ANGPT2: variants seen among roughly 807,000 people sequenced by gnomAD.
ANGPT2 encodes angiopoietin 2.
Under a neutral mutation model 62.9 loss-of-function variants are expected in ANGPT2, and 28 were observed. That is an observed-to-expected ratio of 0.44 (90% confidence interval 0.33 to 0.61). The LOEUF (loss-of-function observed/expected upper bound fraction) is 0.61, where lower values mean the gene tolerates loss of function less well. Among genes scored for constraint, ANGPT2 ranks in the 20% least tolerant of loss-of-function variants. The pLI, the probability that ANGPT2 is intolerant of heterozygous loss-of-function variation, is 0.03. For missense variants in ANGPT2, 727 were observed against 594.9 expected, an observed-to-expected ratio of 1.22 and a Z score of -2.31; for synonymous variants, 284 against 207.8, an observed-to-expected ratio of 1.37 and a Z score of -3.15.
Position 6,502,801 on chromosome 8 carries a change from TGGTTGTG to T in ANGPT2, c.*293_*299del. 1 of 384,068 alleles carries T rather than the reference TGGTTGTG, an allele frequency of 2.6e-6. No homozygotes were observed. Among genetic ancestry groups the T allele is most frequent in the Non-Finnish European group, 4.8e-6 (1 of 210,174 alleles). The allele number at this position is 384,068 out of a possible 1,614,324, so 23.8% of individuals were successfully genotyped here. Reference sequence around the variant, plus strand: ...CTGATAAACTTGCACATAACATTCTTGGTTGTGACAGCAGCGTCTGTAAACTGTCAGT... The same window carrying T: ...CTGATAAACTTGCACATAACATTCTTACAGCAGCGTCTGTAAACTGTCAGT... On this transcript the variant is annotated 3_prime_UTR_variant, in exon 9 of 9. Transcript: ENST00000629816.
chr8:6,536,772 C>T (rs1311065470), intron 1 of ANGPT2, among the ~76,000 whole-genome samples: 1 of 152,168 alleles, frequency 6.6e-6, no homozygotes. Context: ...CCATCTGGCT[C>T]ATCCACTTGG....
chr8:6,561,116 A>T (rs1267216422), intron 1 of ANGPT2, among the ~76,000 whole-genome samples: 1 of 152,242 alleles, frequency 6.6e-6, no homozygotes, highest in Admixed American at 6.5e-5. Context: ...ACATATTTCA[A>T]CCTGTGTTGC....
intron 5 of ANGPT2, among the ~76,000 whole-genome samples, chr8:6,519,342 C>G (rs911127314): frequency 2.0e-5 from 3 of 152,192 alleles, no homozygotes; most frequent in African/African-American, 7.2e-5. Flanking sequence ...GTGGGTAAAA[C>G]TGCCACCATC....
chr8:6,549,338 G>T (rs529497706), intron 1 of ANGPT2, among the ~76,000 whole-genome samples: 1 of 152,158 alleles, frequency 6.6e-6, no homozygotes, highest in Non-Finnish European at 1.5e-5. Context: ...TAATAAAAGA[G>T]ACCAAAAAGG....
Position 6,500,167 on chromosome 8 carries a change from A to G in ANGPT2, c.*2934T>C. 1.9e-6 allele frequency: 1 copy of G among 517,606 alleles called. No homozygotes were observed. Among genetic ancestry groups the G allele is most frequent in the Non-Finnish European group, 3.5e-6 (1 of 285,912 alleles). The allele number at this position is 517,606 out of a possible 1,614,324, so 32.1% of individuals were successfully genotyped here. ...CAGTCCAAAGAAAATTTGACGATTA[A>G]CATCCTCAGAACTGAGAAAAACAAA... On this transcript the variant is annotated 3_prime_UTR_variant, in exon 9 of 9. Transcript: ENST00000629816.
intron 1 of ANGPT2, among the ~76,000 whole-genome samples, chr8:6,546,894 A>G (rs1249254052): frequency 9.9e-5 from 15 of 152,104 alleles, no homozygotes; most frequent in Admixed American, 9.2e-4. Context: ...ATTAAGATGT[A>G]CCCTTCCGTG....
chr8:6,531,723 A>G (rs144734221), intron 2 of ANGPT2, among the ~76,000 whole-genome samples: 177 of 152,336 alleles, frequency 1.2e-3, no homozygotes, highest in African/African-American at 4.1e-3. Flanking sequence ...AGAAAAGGTG[A>G]GTGCCTCATT....
intron 1 of ANGPT2, among the ~76,000 whole-genome samples, chr8:6,552,503 G>C (rs892389590): frequency 9.2e-5 from 14 of 152,168 alleles, no homozygotes; most frequent in African/African-American, 3.4e-4. Flanking sequence ...ATAGAAGTTA[G>C]AACATTTAAC....
At chr8:6,560,782 C>G (rs1029223601) in intron 1 of ANGPT2, among the ~76,000 whole-genome samples, 5 of 152,248 alleles carry the variant, frequency 3.3e-5, no homozygotes, top group Middle Eastern at 6.8e-3. Context: ...CTCAAAGACC[C>G]AAGAGAAGGG....
chr8:6,538,462 G>A (rs538854933), intron 1 of ANGPT2, among the ~76,000 whole-genome samples: 2 of 152,304 alleles, frequency 1.3e-5, no homozygotes, highest in South Asian at 4.2e-4. Context: ...TTTGCCTGAG[G>A]ATAAGGTCCA....
At chr8:6,515,888 A>C (rs1294212197) in intron 5 of ANGPT2, among the ~76,000 whole-genome samples, 1 of 152,210 alleles carries the variant, frequency 6.6e-6, no homozygotes, top group Non-Finnish European at 1.5e-5. Flanking sequence ...AAAGAGAACC[A>C]AGAGAGTGCT....
chr8:6,553,588 A>G (rs190742128), intron 1 of ANGPT2, among the ~76,000 whole-genome samples: 2 of 152,286 alleles, frequency 1.3e-5, no homozygotes, highest in African/African-American at 4.8e-5. Flanking sequence ...GAACATGAAC[A>G]TATCCCTTTG....
Position 6,499,923 on chromosome 8 carries a change from A to G in ANGPT2, c.*3178T>C. On this transcript the variant is annotated 3_prime_UTR_variant, in exon 9 of 9. Coordinates refer to ENST00000629816, the MANE Select transcript of ANGPT2 (RefSeq NM_001118887.2). ...TCGAACTGTCTCACCACTTCCCTGCAGCTCCCGTAAGTCAGATGTTGTTTT... is the reference window on the plus strand; with the variant it reads ...TCGAACTGTCTCACCACTTCCCTGCGGCTCCCGTAAGTCAGATGTTGTTTT... 2 of 1,613,468 alleles carry G rather than the reference A, an allele frequency of 1.2e-6. No homozygotes were observed. Among genetic ancestry groups the G allele is most frequent in the Non-Finnish European group, 1.7e-6 (2 of 1,179,736 alleles).
intron 1 of ANGPT2, among the ~76,000 whole-genome samples, chr8:6,538,174 A>C (rs1034126145): frequency 6.6e-6 from 1 of 151,744 alleles, no homozygotes; most frequent in Non-Finnish European, 1.5e-5. Flanking sequence ...TAAACCCTTG[A>C]ATTTTTCTAG....
At chr8:6,542,488 C>G (rs1016192479) in intron 1 of ANGPT2, among the ~76,000 whole-genome samples, 2 of 152,050 alleles carry the variant, frequency 1.3e-5, no homozygotes, top group Non-Finnish European at 2.9e-5. Flanking sequence ...AAGAGGGACG[C>G]TAGCGCCTGG....
rs533892029 is a variant in ANGPT2 at position 6,512,368 on chromosome 8, G to A, written c.1196+1310C>T. On this transcript the variant is annotated intron_variant, in intron 7 of 8. Transcript: ENST00000629816. ...TGTCTCCTTTCAGACTGTTCAGGTC[G>A]TGGAGCGGAGTGTCTGACTTGGGCA... Among the ~76,000 whole-genome samples the A allele has an allele frequency of 5.8e-4, 89 of 152,296 alleles. 2 individuals are homozygous for A. The South Asian group carries it at 0.017, about 29-fold the overall frequency.
In ANGPT2 at chr8:6,563,234, TAC is replaced by T. The variant is rs1362050790; in HGVS notation, c.-302_-301del. 2.5e-5 allele frequency: 6 copies of T among 236,138 alleles called. No individual in the cohort carries two copies. Among genetic ancestry groups the T allele is most frequent in the Non-Finnish European group, 4.2e-5 (5 of 117,960 alleles). 14.6% of individuals were successfully genotyped at this position (236,138 alleles called of 1,614,324 possible). A position where few individuals can be genotyped will look rare whatever the true frequency, so the allele number is the denominator to read the frequency against. Reference sequence around the variant, plus strand: ...CCTTTGTTCCTCTCTCCCCAGATCCTACAGTGTCAGTATCCGAATCAATCACT... The same window carrying T: ...CCTTTGTTCCTCTCTCCCCAGATCCTAGTGTCAGTATCCGAATCAATCACT... On this transcript the variant is annotated 5_prime_UTR_variant, in exon 1 of 9. Coordinates refer to ENST00000629816, the MANE Select transcript of ANGPT2 (RefSeq NM_001118887.2).
Position 6,521,032 on chromosome 8 carries a change from TCTTC to T in ANGPT2, c.799+142_799+145del, listed in dbSNP as rs1020481302. On this transcript the variant is annotated intron_variant, in intron 4 of 8. Coordinates refer to ENST00000629816, the MANE Select transcript of ANGPT2 (RefSeq NM_001118887.2). Reference sequence around the variant, plus strand: ...GTATAACATATATTTCCCCTTCTCTTCTTCCTTCATTTTAATTGGTAGATATTTC... The same window carrying T: ...GTATAACATATATTTCCCCTTCTCTTCTTCATTTTAATTGGTAGATATTTC... 3 of 627,906 alleles carry T rather than the reference TCTTC, an allele frequency of 4.8e-6. No homozygotes were observed. The Admixed American group carries it at 9.2e-5, about 19-fold the overall frequency. The allele number at this position is 627,906 out of a possible 1,614,324, so 38.9% of individuals were successfully genotyped here. A position where few individuals can be genotyped will look rare whatever the true frequency, so the allele number is the denominator to read the frequency against.
At chr8:6,526,607 C>G (rs192063483) in intron 3 of ANGPT2, among the ~76,000 whole-genome samples, 1 of 152,134 alleles carries the variant, frequency 6.6e-6, no homozygotes, top group East Asian at 1.9e-4. Flanking sequence ...ATGACTTAAA[C>G]TTGGTATCCA....
Sources: allele counts gnomAD v4.1 joint callset (sites outside exome capture counted in the v4.1 genomes callset), GRCh38; gene constraint gnomAD v4.1.1; transcripts MANE v1.5; gene names NCBI Gene and HGNC (gene_info 2026-07-23, HGNC 2026-07-21).